Variants in SNX25 observed in about 807,000 individuals in gnomAD.
SNX25 encodes sorting nexin 25, also known as sorting nexin-25.
A neutral mutation model predicts 113.7 loss-of-function variants in SNX25; 62 were observed. The ratio of observed to expected loss-of-function variants is 0.55; its 90% CI spans 0.44 to 0.67. SNX25 has a LOEUF of 0.67. Ranked by LOEUF, SNX25 falls within the 30% of genes least tolerant of loss-of-function variation. The pLI is 0.00. For missense variants in SNX25, 1,014 were observed against 1,161.0 expected (o/e 0.87, Z 1.84); for synonymous variants, 421 against 436.2 (o/e 0.97, Z 0.43).
chr4:185,361,380 T>G (rs1469417192), intron 16 of SNX25, among the ~76,000 whole-genome samples: 1 of 152,206 alleles, frequency 6.6e-6, no homozygotes, highest in Non-Finnish European at 1.5e-5. Flanking sequence ...CAGCCAACAT[T>G]TGGAGAAGTT....
chr4:185,364,565 A>G (rs760858812), downstream of SNX25: 2 of 152,240 alleles, frequency 1.3e-5, no homozygotes, highest in Non-Finnish European at 2.9e-5. Flanking sequence ...TATACATATC[A>G]TACCTGCTAA....
At chr4:185,341,466 A>T (rs1457785986) in intron 11 of SNX25, among the ~76,000 whole-genome samples, 2 of 152,210 alleles carry the variant, frequency 1.3e-5, no homozygotes, top group Non-Finnish European at 2.9e-5. Flanking sequence ...AACACATTTC[A>T]TGCTTAAAGC....
chr4:185,341,893 C>T (rs1579857191), intron 11 of SNX25, 83 bp from the exon 12 acceptor site: 2 of 1,455,476 alleles, frequency 1.4e-6, no homozygotes, highest in South Asian at 1.5e-5. Flanking sequence ...AGGGAAATCT[C>T]CTTAGGGGGA....
chr4:185,207,640 C>G (rs3108240), upstream of SNX25: 89,198 of 152,030 alleles, frequency 0.59, 26,605 homozygotes, highest in Non-Finnish European at 0.66. Flanking sequence ...CATAGCGATT[C>G]AATGCACAAG....
Position 185,210,721 on chromosome 4 carries a change from G to A in SNX25, c.429+466G>A, listed in dbSNP as rs1737646535. On this transcript the variant is annotated intron_variant, in intron 1 of 18. Transcript: ENST00000652585. This position sits in a 1 kb window ranked among gnomAD's most constrained non-coding sequence, Gnocchi z 4.4. ...GAAACTTGCTTCGGTCCCTGGCCCAGCGCCTCACCCCCAAGCCCGCGTACC... is the reference window on the plus strand; with the variant it reads ...GAAACTTGCTTCGGTCCCTGGCCCAACGCCTCACCCCCAAGCCCGCGTACC... Among the ~76,000 whole-genome samples, 1 of 151,988 alleles carries A rather than the reference G, an allele frequency of 6.6e-6. No individual in the cohort carries two copies. Among genetic ancestry groups the A allele is most frequent in the African/African-American group, 2.4e-5 (1 of 41,390 alleles).
intron 1 of SNX25, among the ~76,000 whole-genome samples, chr4:185,218,817 C>A (rs1534143): frequency 0.65 from 99,029 of 151,938 alleles, 32,357 homozygotes; most frequent in East Asian, 0.73. Flanking sequence ...CTCATTGCTA[C>A]AGTAACCTGA....
At chr4:185,211,460 G>A (rs1343001253) in intron 1 of SNX25, among the ~76,000 whole-genome samples, 1 of 152,174 alleles carries the variant, frequency 6.6e-6, no homozygotes, top group Non-Finnish European at 1.5e-5. Flanking sequence ...GAGCAGATAT[G>A]TCTCTCCTCT....
chr4:185,278,467 ATTG>A (rs1252234059), intron 5 of SNX25, among the ~76,000 whole-genome samples: 1 of 149,228 alleles, frequency 6.7e-6, no homozygotes, highest in Non-Finnish European at 1.5e-5. Flanking sequence ...ACTTCCTAGG[ATTG>A]TTGTGATAAT....
At chr4:185,303,096 C>G (rs1753939918) in intron 6 of SNX25, among the ~76,000 whole-genome samples, 1 of 152,170 alleles carries the variant, frequency 6.6e-6, no homozygotes, top group Non-Finnish European at 1.5e-5. Context: ...TTGAATAGAG[C>G]TAGTTAGTCA....
chr4:185,318,870 C>T (rs1181342867), intron 7 of SNX25, among the ~76,000 whole-genome samples: 1 of 152,162 alleles, frequency 6.6e-6, no homozygotes, highest in Non-Finnish European at 1.5e-5. Flanking sequence ...AAAGCTGAGT[C>T]ATGCAGGAAG....
At chr4:185,308,571 A>C (rs189186537) in intron 6 of SNX25, among the ~76,000 whole-genome samples, 1 of 152,196 alleles carries the variant, frequency 6.6e-6, no homozygotes, top group South Asian at 2.1e-4. Context: ...TACCTGATAC[A>C]TATTAGCAAA....
In SNX25 at chr4:185,301,410, G is replaced by C. The variant is rs114402822; in HGVS notation, c.1163-9225G>C. ...TTTTTATTACCTTTGTTTTGTTTTG[G>C]AGACGGAGTCTCACTCTGTCACCCA... On this transcript the variant is annotated intron_variant, in intron 6 of 18. Coordinates refer to ENST00000652585, the MANE Select transcript of SNX25 (RefSeq NM_001378034.2). 9.1e-3 allele frequency among the ~76,000 whole-genome samples: 1,384 copies of C among 152,100 alleles called. 18 individuals are homozygous for C. The highest frequency in any genetic ancestry group is 0.032 in the African/African-American group (1,318 of 41,474).
intron 1 of SNX25, among the ~76,000 whole-genome samples, chr4:185,241,659 G>A (rs1296879134): frequency 6.6e-6 from 1 of 151,822 alleles, no homozygotes; most frequent in East Asian, 1.9e-4. Flanking sequence ...TTAATATTGT[G>A]ATACGCATAC....
At chr4:185,237,858 T>A (rs1321628399) in intron 1 of SNX25, among the ~76,000 whole-genome samples, 2 of 151,224 alleles carry the variant, frequency 1.3e-5, no homozygotes, top group Non-Finnish European at 2.9e-5. Context: ...AGGTCAGGAG[T>A]TCGAGACCAG....
chr4:185,258,704 G>C, intron 2 of SNX25, 144 bp from the exon 3 acceptor site: 1 of 641,998 alleles, frequency 1.6e-6, no homozygotes, highest in South Asian at 2.3e-5. Context: ...AAAGACTTAG[G>C]AATTCTCATG....
intron 3 of SNX25, among the ~76,000 whole-genome samples, chr4:185,263,493 C>T (rs1747609079): frequency 6.6e-6 from 1 of 152,100 alleles, no homozygotes. Context: ...GGATAGAATT[C>T]CTTCAGGTTG....
intron 2 of SNX25, 81 bp from the exon 3 acceptor site, chr4:185,258,767 T>C: frequency 9.3e-7 from 1 of 1,075,150 alleles, no homozygotes; most frequent in South Asian, 1.4e-5. Context: ...AAATAGTAGG[T>C]GGCCAGTTTC....
chr4:185,227,175 T>TC (rs1741135843), intron 1 of SNX25, among the ~76,000 whole-genome samples: 1 of 152,260 alleles, frequency 6.6e-6, no homozygotes, highest in African/African-American at 2.4e-5. Context: ...TCCCCTCACA[T>TC]CTTACTGGCC....
intron 6 of SNX25, among the ~76,000 whole-genome samples, chr4:185,290,997 T>G (rs1031083638): frequency 6.6e-6 from 1 of 152,218 alleles, no homozygotes; most frequent in African/African-American, 2.4e-5. Context: ...TGTACACAGT[T>G]AAACAGTGAT....
Sources: allele counts gnomAD v4.1 joint callset (sites outside exome capture counted in the v4.1 genomes callset), GRCh38; gene constraint gnomAD v4.1.1; non-coding constraint Gnocchi (gnomAD v3.1); transcripts MANE v1.5; gene names NCBI Gene and HGNC (gene_info 2026-07-23, HGNC 2026-07-21).